Variants in SENP7 observed in about 807,000 individuals in gnomAD.
SENP7 encodes the protein SUMO specific peptidase 7.
Under a neutral mutation model 141.2 loss-of-function variants are expected in SENP7, and 64 were observed. The observed-to-expected ratio is 0.45, with a 90% CI of 0.37 to 0.56. The LOEUF is 0.56. SENP7 is among the 20% of genes least tolerant of loss of function. The probability of loss-of-function intolerance (pLI) is 0.00; values close to 1 mark genes in which losing one functional copy is unlikely to be tolerated. For synonymous variants in SENP7, 382 were observed against 426.4 expected (o/e 0.90, Z 1.28); for missense variants, 1,025 against 1,212.2 (o/e 0.85, Z 2.29).
At chr3:101,328,756 C>T (rs2058970189) in intron 20 of SENP7, 67 bp from the exon 21 acceptor site, 1 of 1,205,434 alleles carries the variant, frequency 8.3e-7, no homozygotes, top group South Asian at 1.3e-5. Flanking sequence ...TTCAGTTACT[C>T]CTTTAAAGTG....
rs148941268 is a variant in SENP7, at chr3:101,479,326, A to C, written c.186+14547T>G. Among the ~76,000 whole-genome samples, 151 of 152,370 alleles carry C rather than the reference A, an allele frequency of 9.9e-4. 1 individual carries two copies. Among genetic ancestry groups the C allele is most frequent in the African/African-American group, 3.3e-3 (137 of 41,594 alleles). On this transcript the variant is annotated intron_variant, in intron 3 of 23. Coordinates refer to ENST00000394095, the MANE Select transcript of SENP7 (RefSeq NM_020654.5). ...CTAAAAACTTCACCAAAAAAGACTC[A>C]GATCTCAGCTGGGTGCAGTGGCTCA...
intron 4 of SENP7, among the ~76,000 whole-genome samples, chr3:101,435,310 T>C (rs1429850097): frequency 6.6e-6 from 1 of 152,004 alleles, no homozygotes; most frequent in Non-Finnish European, 1.5e-5. Flanking sequence ...CTATCATAGT[T>C]AGTATCCTAG....
rs2058882455 is a variant in SENP7, at chr3:101,325,711, A to G, written c.*232T>C. 3.9e-6 allele frequency: 1 copy of G among 255,512 alleles called. No individual in the cohort carries two copies. The highest frequency in any genetic ancestry group is 2.2e-5 in the African/African-American group (1 of 44,932). 15.8% of individuals were successfully genotyped at this position (255,512 alleles called of 1,614,324 possible). ...ACTCAGAAAAATATGAAATATTTAT[A>G]AAATTTTAATTTATATCTAGTAAGT... On this transcript the variant is annotated 3_prime_UTR_variant, in exon 24 of 24. Coordinates refer to ENST00000394095, the MANE Select transcript of SENP7 (RefSeq NM_020654.5).
chr3:101,427,976 T>G (rs572439217), intron 4 of SENP7, among the ~76,000 whole-genome samples: 1 of 152,328 alleles, frequency 6.6e-6, no homozygotes, highest in South Asian at 2.1e-4. Flanking sequence ...GTTTCTTTTG[T>G]GAGAATGATG....
Position 101,493,505 on chromosome 3 carries a change from G to C in SENP7, c.186+368C>G, listed in dbSNP as rs558048165. ...CAGATTTATAATCAAAATAGCTTTT[G>C]AAATATAGTTATATTACTCCTTAAA... On this transcript the variant is annotated intron_variant, in intron 3 of 23. Coordinates refer to ENST00000394095, the MANE Select transcript of SENP7 (RefSeq NM_020654.5). Among the ~76,000 whole-genome samples, 3 of 152,262 alleles carry C rather than the reference G, an allele frequency of 2.0e-5. No individual in the cohort carries two copies. In the South Asian group the frequency reaches 6.2e-4, roughly 32 times the overall value.
intron 3 of SENP7, among the ~76,000 whole-genome samples, chr3:101,488,746 G>A (rs1328166266): frequency 1.3e-5 from 2 of 152,196 alleles, no homozygotes; most frequent in African/African-American, 2.4e-5. Context: ...GGAGGCTGAC[G>A]CAGGAGAATT....
At chr3:101,478,610 C>G (rs1477189116) in intron 3 of SENP7, among the ~76,000 whole-genome samples, 1 of 152,114 alleles carries the variant, frequency 6.6e-6, no homozygotes, top group African/African-American at 2.4e-5. Flanking sequence ...CCAATTTCTA[C>G]CAAACTTACA....
At chr3:101,485,708 A>AC (rs1485396087) in intron 3 of SENP7, among the ~76,000 whole-genome samples, 1 of 152,024 alleles carries the variant, frequency 6.6e-6, no homozygotes, top group Admixed American at 6.6e-5. Context: ...CTCTTCAACA[A>AC]CCCCCCACCA....
At chr3:101,474,780 GC>G (rs2064148776) in intron 3 of SENP7, among the ~76,000 whole-genome samples, 1 of 152,140 alleles carries the variant, frequency 6.6e-6, no homozygotes, top group Admixed American at 6.6e-5. Context: ...AATACTTCCA[GC>G]TTTTGCCCAT....
At chr3:101,410,880 T>TAAAATAAAATAAAATAAAAG (rs2061438634) in intron 5 of SENP7, among the ~76,000 whole-genome samples, 1 of 151,096 alleles carries the variant, frequency 6.6e-6, no homozygotes, top group South Asian at 2.1e-4. Flanking sequence ...TAAAATAAAA[T>TAAAATAAAATAAAATAAAAG]AAAATAAAAG....
At chr3:101,376,769 A>T (rs1441975123) in intron 6 of SENP7, among the ~76,000 whole-genome samples, 1 of 152,202 alleles carries the variant, frequency 6.6e-6, no homozygotes. Flanking sequence ...ATGTACCCTA[A>T]AACTTAAAGT....
chr3:101,351,745 G>A, intron 11 of SENP7, 94 bp from the exon 12 acceptor site: 1 of 962,180 alleles, frequency 1.0e-6, no homozygotes, highest in Non-Finnish European at 1.4e-6. Flanking sequence ...CATATTCAAA[G>A]TCTACATTAT....
chr3:101,405,453 C>A (rs1364178970), intron 5 of SENP7, among the ~76,000 whole-genome samples: 1 of 152,206 alleles, frequency 6.6e-6, no homozygotes, highest in Non-Finnish European at 1.5e-5. Flanking sequence ...CCTAGACCTT[C>A]CCTCTGACAG....
intron 5 of SENP7, among the ~76,000 whole-genome samples, chr3:101,411,860 T>C (rs1300382455): frequency 6.6e-6 from 1 of 152,288 alleles, no homozygotes; most frequent in South Asian, 2.1e-4. Context: ...CGAAATATCA[T>C]AAATACACTA....
chr3:101,368,477 C>CA (rs962514942), intron 7 of SENP7, among the ~76,000 whole-genome samples: 1 of 149,554 alleles, frequency 6.7e-6, no homozygotes, highest in Non-Finnish European at 1.5e-5. Context: ...ATCACAAGGA[C>CA]AAAAAACTAA....
At chr3:101,509,735 A>G (rs1403779429) in intron 1 of SENP7, among the ~76,000 whole-genome samples, 1 of 152,250 alleles carries the variant, frequency 6.6e-6, no homozygotes, top group East Asian at 1.9e-4. Context: ...TGAAAGATTT[A>G]AGAAAGTTAT....
chr3:101,376,600 C>T, intron 6 of SENP7, among the ~76,000 whole-genome samples: 1 of 150,032 alleles, frequency 6.7e-6, no homozygotes, highest in Non-Finnish European at 1.5e-5. Context: ...CACATGGACA[C>T]AGGAAGGGGA....
intron 6 of SENP7, among the ~76,000 whole-genome samples, chr3:101,390,247 A>C (rs1576194663): frequency 6.8e-6 from 1 of 148,082 alleles, no homozygotes; most frequent in African/African-American, 2.5e-5. Context: ...AAAAAAACCC[A>C]GAAAGACATG....
At chr3:101,435,076 C>A (rs2062331668) in intron 4 of SENP7, among the ~76,000 whole-genome samples, 1 of 152,026 alleles carries the variant, frequency 6.6e-6, no homozygotes, top group South Asian at 2.1e-4. Flanking sequence ...TTCATCATAA[C>A]CATGTGGGAT....
Sources: allele counts gnomAD v4.1 joint callset (sites outside exome capture counted in the v4.1 genomes callset), GRCh38; gene constraint gnomAD v4.1.1; transcripts MANE v1.5; gene names NCBI Gene and HGNC (gene_info 2026-07-23, HGNC 2026-07-21).